TAF3: variants seen among roughly 807,000 people sequenced by gnomAD.
The protein encoded by TAF3 is TATA-box binding protein associated factor 3, also known as transcription initiation factor TFIID subunit 3.
A neutral mutation model predicts 80.6 loss-of-function variants in TAF3; 7 were observed. That is an observed-to-expected ratio of 0.09 (90% CI 0.05 to 0.16). The LOEUF (loss-of-function observed/expected upper bound fraction) is 0.16. Among genes scored for constraint, TAF3 ranks in the 10% least tolerant of loss-of-function variants. TAF3 has a pLI of 1.00. For missense variants in TAF3, 921 were observed against 1,140.2 expected, an observed-to-expected ratio of 0.81 and a Z score of 2.77; for synonymous variants, 444 against 446.1, an observed-to-expected ratio of 1.00 and a Z score of 0.06.
At chr10:8,003,276 C>T (rs1164839755) in intron 4 of TAF3, among the ~76,000 whole-genome samples, 2 of 150,120 alleles carry the variant, frequency 1.3e-5, no homozygotes, top group Non-Finnish European at 3.0e-5. Flanking sequence ...TCATATTATA[C>T]GTTGTTTGTA....
intron 2 of TAF3, among the ~76,000 whole-genome samples, chr10:7,871,434 G>GTTTTTTTTTTTTTTTTTTTT (rs1837263649): frequency 3.1e-5 from 2 of 64,770 alleles, no homozygotes; most frequent in Non-Finnish European, 6.3e-5. Flanking sequence ...AATAACTGCT[G>GTTTTTTTTTTTTTTTTTTTT]CTTTTTTTTT....
intron 2 of TAF3, among the ~76,000 whole-genome samples, chr10:7,933,194 A>T (rs988145286): frequency 1.3e-5 from 2 of 152,250 alleles, no homozygotes; most frequent in African/African-American, 4.8e-5. Flanking sequence ...GTTAACATGT[A>T]CATAGAAATT....
chr10:7,858,925 G>T (rs568295271), intron 2 of TAF3, among the ~76,000 whole-genome samples: 51 of 152,048 alleles, frequency 3.4e-4, no homozygotes, highest in Non-Finnish European at 6.2e-4. Context: ...CCTCTTCAGC[G>T]TCTTCTGGGC....
chr10:7,900,791 C>T (rs75109422), intron 2 of TAF3, among the ~76,000 whole-genome samples: 2,444 of 152,228 alleles, frequency 0.016, 33 homozygotes, highest in Non-Finnish European at 0.026. Context: ...ACTTTTTGCT[C>T]TTTAGGCTTC....
chr10:7,853,439 G>A (rs922621108), intron 2 of TAF3, among the ~76,000 whole-genome samples: 5 of 152,168 alleles, frequency 3.3e-5, no homozygotes, highest in Non-Finnish European at 5.9e-5. Flanking sequence ...TTGTCTAGAC[G>A]TCAGGAGGTG....
At chr10:8,004,696 C>A (rs1183356123) in intron 4 of TAF3, among the ~76,000 whole-genome samples, 1 of 152,122 alleles carries the variant, frequency 6.6e-6, no homozygotes, top group Non-Finnish European at 1.5e-5. Context: ...CCTCTAGCTG[C>A]CTTTCAGATT....
At chr10:7,937,874 G>A (rs979576728) in intron 2 of TAF3, among the ~76,000 whole-genome samples, 1 of 152,188 alleles carries the variant, frequency 6.6e-6, no homozygotes, top group East Asian at 1.9e-4. Context: ...GGAACAGTGA[G>A]GTTAAATAAG....
chr10:7,891,174 C>A (rs1321715095), intron 2 of TAF3, among the ~76,000 whole-genome samples: 1 of 152,118 alleles, frequency 6.6e-6, no homozygotes, highest in Non-Finnish European at 1.5e-5. Flanking sequence ...CCATTGGTTG[C>A]TGGTATAATT....
chr10:7,949,128 G>A (rs1838057519), intron 2 of TAF3, among the ~76,000 whole-genome samples: 1 of 152,232 alleles, frequency 6.6e-6, no homozygotes, highest in African/African-American at 2.4e-5. Context: ...AGTGGGCTCA[G>A]CATTATTGTG....
chr10:7,973,314 C>T (rs958258291), intron 3 of TAF3, among the ~76,000 whole-genome samples: 6 of 152,216 alleles, frequency 3.9e-5, no homozygotes, highest in South Asian at 2.1e-4. Flanking sequence ...ATTTTAAAAT[C>T]GAGCTTAAGA....
chr10:7,821,870 A>G (rs1836693697), intron 1 of TAF3, among the ~76,000 whole-genome samples: 1 of 152,216 alleles, frequency 6.6e-6, no homozygotes, highest in Admixed American at 6.5e-5. Context: ...GTATGGTTGT[A>G]TAAAGGTATA....
chr10:7,854,211 G>A (rs184383288), intron 2 of TAF3, among the ~76,000 whole-genome samples: 42 of 152,310 alleles, frequency 2.8e-4, no homozygotes, highest in Non-Finnish European at 5.0e-4. Flanking sequence ...ATATATTCAA[G>A]GCTCATGAGA....
In TAF3 at chr10:7,818,664, T is replaced by G. The variant is rs1256337436; in HGVS notation, c.-46T>G. 1 of 1,583,780 alleles carries G rather than the reference T, an allele frequency of 6.3e-7. No homozygotes were observed. The highest frequency in any genetic ancestry group is 1.1e-5 in the South Asian group (1 of 88,914). On this transcript the variant is annotated 5_prime_UTR_variant, in exon 1 of 7. Transcript: ENST00000344293. ...CCCTGCTAAGGTCTGGCGGCGGGGC[T>G]GGAGAGCAGTGGCAGCAAGGGCTGC... is the stretch of plus-strand genomic sequence containing the variant.
intron 2 of TAF3, among the ~76,000 whole-genome samples, chr10:7,898,532 C>A (rs986149479): frequency 1.0e-4 from 11 of 106,094 alleles, no homozygotes; most frequent in Admixed American, 2.6e-4. Context: ...GGCGACAGAA[C>A]AAGACTCTGT....
At chr10:7,850,423 C>T (rs192209343) in intron 2 of TAF3, among the ~76,000 whole-genome samples, 1 of 152,252 alleles carries the variant, frequency 6.6e-6, no homozygotes, top group Admixed American at 6.5e-5. Flanking sequence ...TGCCTTTAAT[C>T]CTAGCACTTT....
intron 2 of TAF3, among the ~76,000 whole-genome samples, chr10:7,950,551 CT>C (rs1838072288): frequency 6.6e-6 from 1 of 152,212 alleles, no homozygotes; most frequent in Non-Finnish European, 1.5e-5. Flanking sequence ...GATGGAATCA[CT>C]TTCAAGCAAA....
In TAF3 at chr10:8,003,856, G is replaced by T. The variant is rs557355676; in HGVS notation, c.2316-5222G>T. ...AGCCCAGGAGTTCAAGACCACCCTG[G>T]GCAACAGAGCAAGACGCCATTATCA... On this transcript the variant is annotated intron_variant, in intron 4 of 6. Transcript: ENST00000344293. Among the ~76,000 whole-genome samples the T allele has an allele frequency of 2.6e-5, 4 of 151,816 alleles. No homozygotes were observed. The East Asian group carries it at 7.7e-4, about 29-fold the overall frequency.
intron 4 of TAF3, among the ~76,000 whole-genome samples, chr10:7,998,803 C>T (rs1187891382): frequency 1.3e-5 from 2 of 149,978 alleles, no homozygotes; most frequent in African/African-American, 4.9e-5. Context: ...CGCGCCACTG[C>T]ACTCCAGCCT....
Position 7,957,721 on chromosome 10 carries a change from G to C in TAF3, c.410-6199G>C, listed in dbSNP as rs182881783. On this transcript the variant is annotated intron_variant, in intron 2 of 6. Transcript: ENST00000344293. The stretch of plus-strand genomic sequence containing the variant: ...TAAAATAACAGAAAATGAGTTCTTA[G>C]TTCTTTGGAAATAAAAATCTTTGAA... Among the ~76,000 whole-genome samples, 13 of 149,720 alleles carry C rather than the reference G, an allele frequency of 8.7e-5. No homozygotes were observed. In the East Asian group the frequency reaches 2.4e-3, roughly 27 times the overall value.
Sources: allele counts gnomAD v4.1 joint callset (sites outside exome capture counted in the v4.1 genomes callset), GRCh38; gene constraint gnomAD v4.1.1; transcripts MANE v1.5; gene names NCBI Gene and HGNC (gene_info 2026-07-23, HGNC 2026-07-21).